FAM186B: variants seen among roughly 807,000 people sequenced by gnomAD.
FAM186B encodes family with sequence similarity 186 member B, also known as protein FAM186B.
In FAM186B, 68 loss-of-function variants were observed where a neutral mutation model predicts 83.4. That is an observed-to-expected ratio of 0.81 (90% CI 0.67 to 1.00). The LOEUF (loss-of-function observed/expected upper bound fraction) is 1.00. Ranked by LOEUF, FAM186B falls within the 50% of genes least tolerant of loss-of-function variation. The pLI is 0.00. For synonymous variants in FAM186B, 389 were observed against 422.0 expected (o/e 0.92, Z 0.96); for missense variants, 983 against 1,099.2 (o/e 0.89, Z 1.49).
downstream of FAM186B, chr12:49,584,402 G>C (rs756640186): frequency 5.9e-6 from 4 of 678,976 alleles, no homozygotes; most frequent in Non-Finnish European, 1.1e-5. Flanking sequence ...AAAAGCACCA[G>C]CTGGGAACCT....
Position 49,604,403 on chromosome 12 carries a change from T to A in FAM186B, c.232A>T (p.Ile78Phe). The change falls in exon 2 of 7, where the codon ATC (isoleucine) becomes TTC (phenylalanine). Residue 78 changes from isoleucine to phenylalanine, a missense_variant. Ile to Phe is a conservative substitution (Grantham distance 21). Transcript: ENST00000257894. ...AAGGAGGCAATTTTTTCCAGCAAGATGAATCTCTTCTTGCCCTTTGGATCT... is the reference window on the plus strand; with the variant it reads ...AAGGAGGCAATTTTTTCCAGCAAGAAGAATCTCTTCTTGCCCTTTGGATCT... ...QRDPKGKKRFILLEKIASFSK... is the reference protein window; with the variant it reads ...QRDPKGKKRFFLLEKIASFSK... 6.2e-7 allele frequency: 1 copy of A among 1,614,194 alleles called. No individual in the cohort carries two copies. The highest frequency in any genetic ancestry group is 8.5e-7 in the Non-Finnish European group (1 of 1,179,972).
At chr12:49,605,914 A>C (rs535726436), upstream of FAM186B, among the ~76,000 whole-genome samples, 1 of 151,526 alleles carries the variant, frequency 6.6e-6, no homozygotes, top group African/African-American at 2.4e-5. Flanking sequence ...GCGTGCCACC[A>C]CGCCTGGCTA....
At chr12:49,592,686 T>C (rs1428787793) in intron 5 of FAM186B, among the ~76,000 whole-genome samples, 1 of 152,124 alleles carries the variant, frequency 6.6e-6, no homozygotes, top group Admixed American at 6.5e-5. Flanking sequence ...CTCAGGAGGC[T>C]GAGGCATGAG....
intron 3 of FAM186B, among the ~76,000 whole-genome samples, chr12:49,601,495 C>T (rs989751569): frequency 6.6e-6 from 1 of 152,184 alleles, no homozygotes; most frequent in Non-Finnish European, 1.5e-5. Context: ...CTGTGTTTGC[C>T]TCCTATTGTC....
downstream of FAM186B, chr12:49,584,247 A>G (rs1056117902): frequency 2.1e-6 from 1 of 476,202 alleles, no homozygotes; most frequent in Non-Finnish European, 3.8e-6. Context: ...AACTGAGTTG[A>G]GGAGGTGTGG....
At chr12:49,591,126 C>A (rs1341147801) in intron 5 of FAM186B, among the ~76,000 whole-genome samples, 2 of 152,162 alleles carry the variant, frequency 1.3e-5, no homozygotes, top group Non-Finnish European at 2.9e-5. Context: ...GGCCCCAGCA[C>A]AGGGCAGGGA....
intron 5 of FAM186B, among the ~76,000 whole-genome samples, chr12:49,594,501 TAAC>T (rs1471886938): frequency 2.6e-5 from 4 of 152,340 alleles, no homozygotes; most frequent in Non-Finnish European, 5.9e-5. Context: ...AAGAGATTAA[TAAC>T]AATAACAAAA....
rs753838024 is a variant in FAM186B, at chr12:49,604,475, C to T, written c.160G>A (p.Glu54Lys). 2 of 1,614,184 alleles carry T rather than the reference C, an allele frequency of 1.2e-6. No homozygotes were observed. The highest frequency in any genetic ancestry group is 1.7e-6 in the Non-Finnish European group (2 of 1,180,038). ...NVNCVINRFQEELGYDLKENA... is the reference protein window; with the variant it reads ...NVNCVINRFQKELGYDLKENA... ...TCTTTTAAATCATATCCTAATTCTTCCTGGAAGCGGTTGATGACACAATTG... is the reference window on the plus strand; with the variant it reads ...TCTTTTAAATCATATCCTAATTCTTTCTGGAAGCGGTTGATGACACAATTG... The change falls in exon 2 of 7, where the codon GAA becomes AAA. Residue 54 changes from glutamate (E) to lysine (K), a missense_variant. Physicochemically the swap from Glu to Lys is moderately conservative, Grantham distance 56. Transcript: ENST00000257894.
chr12:49,601,094 G>A lies in FAM186B; in HGVS notation c.546C>T (p.Ser182=), dbSNP rs146959238. Residue 182 remains serine (S), a synonymous_variant, in exon 4 of 7, where the codon AGC becomes AGT. Transcript: ENST00000257894. ...RTFWQGWQGR[S]PQTSPSHPQP... ...GAGGATGGGATGGAGATGTCTGTGG[G>A]CTTCTTCCCTGCCAGCCCTGCCAGA... 6.4e-4 allele frequency: 1,021 copies of A among 1,588,106 alleles called. No individual in the cohort carries two copies. Among genetic ancestry groups the A allele is most frequent in the Non-Finnish European group, 8.2e-4 (951 of 1,165,360 alleles).
chr12:49,622,555 G>A, the FAM186B span: 1 of 152,212 alleles, frequency 6.6e-6, no homozygotes, highest in African/African-American at 2.4e-5. Context: ...GAGACCATGT[G>A]GGTATCATTT....
chr12:49,590,526 G>A (rs1279498092), intron 5 of FAM186B, among the ~76,000 whole-genome samples: 2 of 152,078 alleles, frequency 1.3e-5, no homozygotes, highest in African/African-American at 4.8e-5. Flanking sequence ...GGTTGTACTT[G>A]ATGTATGAAT....
At chr12:49,587,329 G>T (rs570802931), downstream of FAM186B, among the ~76,000 whole-genome samples, 14 of 152,138 alleles carry the variant, frequency 9.2e-5, no homozygotes, top group Admixed American at 2.0e-4. Flanking sequence ...CAGAATTTAT[G>T]TGCAGCCCAG....
chr12:49,611,849 C>T, the FAM186B span, among the ~76,000 whole-genome samples: 2 of 146,326 alleles, frequency 1.4e-5, no homozygotes, highest in Non-Finnish European at 3.0e-5. Context: ...AAGAGCGAAA[C>T]TCCATCTGAA....
downstream of FAM186B, among the ~76,000 whole-genome samples, chr12:49,585,373 A>G (rs1181078402): frequency 3.9e-5 from 6 of 152,220 alleles, 1 homozygote; most frequent in South Asian, 1.2e-3. Flanking sequence ...GGGAGGGCAT[A>G]GCACTCAGAG....
chr12:49,604,254 G>T, intron 2 of FAM186B, 59 bp downstream of exon 2: 1 of 1,385,948 alleles, frequency 7.2e-7, no homozygotes, highest in Non-Finnish European at 1.0e-6. Context: ...TGCTGTCCCT[G>T]TGCTCGCCAC....
downstream of FAM186B, chr12:49,583,261 C>T (rs1427830859): frequency 5.8e-6 from 2 of 342,774 alleles, no homozygotes; most frequent in South Asian, 4.6e-5. Context: ...ATTTATAAAA[C>T]TTGTTCAATT....
chr12:49,612,521 G>GT, the FAM186B span, among the ~76,000 whole-genome samples: 31 of 151,104 alleles, frequency 2.1e-4, no homozygotes, highest in Non-Finnish European at 2.4e-4. Context: ...ACATTATGAG[G>GT]TTTTTTTATG....
At chr12:49,583,813 G>C (rs142263448), downstream of FAM186B, 326 of 153,676 alleles carry the variant, frequency 2.1e-3, 1 homozygote, top group Non-Finnish European at 3.8e-3. Context: ...AGGACAGGGT[G>C]GGGGAGACTC....
intron 5 of FAM186B, among the ~76,000 whole-genome samples, chr12:49,596,922 C>T (rs965922231): frequency 1.3e-5 from 2 of 152,206 alleles, no homozygotes; most frequent in Non-Finnish European, 2.9e-5. Context: ...TATATACAGT[C>T]GTGCACTGCA....
Sources: allele counts gnomAD v4.1 joint callset (sites outside exome capture counted in the v4.1 genomes callset), GRCh38; gene constraint gnomAD v4.1.1; transcripts MANE v1.5; gene names NCBI Gene and HGNC (gene_info 2026-07-23, HGNC 2026-07-21).